The following SMC5 variants were observed in gnomAD, a reference collection of about 807,000 sequenced individuals.
SMC5 encodes structural maintenance of chromosomes protein 5.
SMC5 carries 88 observed loss-of-function variants against 148.3 expected under a neutral mutation model. The ratio of observed to expected loss-of-function variants is 0.59; its 90% CI spans 0.50 to 0.71. The LOEUF is 0.71. SMC5 is among the 30% of genes least tolerant of loss of function. SMC5 has a pLI of 0.00. For missense variants in SMC5, 1,142 were observed against 1,298.9 expected (o/e 0.88, Z 1.86); for synonymous variants, 421 against 432.8 (o/e 0.97, Z 0.34).
At chr9:70,346,962 C>T in intron 19 of SMC5, 104 bp from the exon 20 acceptor site, 6 of 827,780 alleles carry the variant, frequency 7.2e-6, no homozygotes, top group South Asian at 6.9e-5. Context: ...TGCCAGCATG[C>T]TGTTGAACAG....
chr9:70,350,392 A>G lies in SMC5; in HGVS notation c.3086A>G (p.Asn1029Ser). Residue 1029 changes from asparagine to serine, a missense_variant, in exon 24 of 25, where the codon AAT becomes AGT. Asn to Ser is a conservative substitution (Grantham distance 46). This residue lies in a region of SMC5 where 30 missense variants were observed against 65.3 expected (regional missense o/e 0.46). Coordinates refer to ENST00000361138, the MANE Select transcript of SMC5 (RefSeq NM_015110.4). Reference sequence around the variant, plus strand: ...ATTGTTTAGGGAATGGACCCAATCAATGAACGGAGAGTGTTTGAAATGGTT... The same window carrying G: ...ATTGTTTAGGGAATGGACCCAATCAGTGAACGGAGAGTGTTTGAAATGGTT... The part of the protein sequence containing the change: ...DEINQGMDPI[N>S]ERRVFEMVVN... 1 of 1,609,882 alleles carries G rather than the reference A, an allele frequency of 6.2e-7. No homozygotes were observed. The highest frequency in any genetic ancestry group is 8.5e-7 in the Non-Finnish European group (1 of 1,178,784).
intron 17 of SMC5, among the ~76,000 whole-genome samples, chr9:70,341,642 T>G (rs4610818): frequency 0.071 from 10,776 of 152,320 alleles, 578 homozygotes; most frequent in East Asian, 0.22. Flanking sequence ...TTAGTTTATT[T>G]GCTATCAAAC....
intron 11 of SMC5, among the ~76,000 whole-genome samples, chr9:70,314,447 C>T (rs2035742808): frequency 6.6e-6 from 1 of 152,010 alleles, no homozygotes; most frequent in Non-Finnish European, 1.5e-5. Flanking sequence ...AGATAATCTG[C>T]CAATAATGTA....
chr9:70,315,315 A>G (rs2035767172), intron 12 of SMC5, 131 bp from the exon 13 acceptor site: 3 of 534,320 alleles, frequency 5.6e-6, no homozygotes, highest in Non-Finnish European at 3.0e-6. Flanking sequence ...ATATAAAAGA[A>G]AAAAGACTTG....
At chr9:70,271,052 T>G (rs910271575) in intron 3 of SMC5, among the ~76,000 whole-genome samples, 3 of 150,676 alleles carry the variant, frequency 2.0e-5, no homozygotes, top group Non-Finnish European at 4.4e-5. Context: ...TGCATTATAC[T>G]TATCGGTTCA....
intron 10 of SMC5, among the ~76,000 whole-genome samples, chr9:70,303,902 C>G (rs2035428124): frequency 6.6e-6 from 1 of 152,104 alleles, no homozygotes; most frequent in Non-Finnish European, 1.5e-5. Flanking sequence ...CTAAAATTCC[C>G]TAGATAGTAC....
intron 12 of SMC5, among the ~76,000 whole-genome samples, chr9:70,315,073 GGTTA>G (rs2035759787): frequency 6.6e-6 from 1 of 151,850 alleles, no homozygotes; most frequent in African/African-American, 2.4e-5. Flanking sequence ...TAAAGTAGTG[GGTTA>G]GTTATTGGGA....
intron 11 of SMC5, among the ~76,000 whole-genome samples, chr9:70,308,858 T>C (rs910209695): frequency 2.0e-5 from 3 of 152,136 alleles, no homozygotes; most frequent in African/African-American, 7.2e-5. Flanking sequence ...ATTGACCTTA[T>C]ATCCTGTGAC....
At position 70,353,630 on chromosome 9, in the gene SMC5, G is replaced by A. The variant is rs1482818202; in HGVS notation, c.*1299G>A. On this transcript the variant is annotated 3_prime_UTR_variant, in exon 25 of 25. Coordinates refer to ENST00000361138, the MANE Select transcript of SMC5 (RefSeq NM_015110.4). ...CCATTGAAATTTATATTCTTAACTA[G>A]GTCAAAAAATAATGAGCCATAAGTT... 1 of 151,970 alleles carries A rather than the reference G, an allele frequency of 6.6e-6. No homozygotes were observed. The highest frequency in any genetic ancestry group is 2.4e-5 in the African/African-American group (1 of 41,380). 9.4% of individuals were successfully genotyped at this position (151,970 alleles called of 1,614,324 possible).
At chr9:70,323,450 A>C (rs2118647065) in intron 15 of SMC5, 33 bp from the exon 16 acceptor site, 4 of 1,559,574 alleles carry the variant, frequency 2.6e-6, no homozygotes, top group Non-Finnish European at 2.6e-6. Context: ...TATGTTTAAC[A>C]CTGATTTCTT....
intron 8 of SMC5, among the ~76,000 whole-genome samples, chr9:70,290,580 T>A (rs2035030443): frequency 6.6e-6 from 1 of 152,240 alleles, no homozygotes; most frequent in Non-Finnish European, 1.5e-5. Context: ...TTTAATTACC[T>A]TTGCGGGTTC....
intron 17 of SMC5, among the ~76,000 whole-genome samples, chr9:70,343,147 CT>C (rs11438728): frequency 2.6e-3 from 361 of 141,410 alleles, no homozygotes; most frequent in East Asian, 4.7e-3. Flanking sequence ...CTTTCAGTCT[CT>C]TTTTTTTTTT....
At chr9:70,318,008 GA>G (rs1283201778) in intron 13 of SMC5, among the ~76,000 whole-genome samples, 2 of 152,130 alleles carry the variant, frequency 1.3e-5, no homozygotes, top group African/African-American at 4.8e-5. Flanking sequence ...AACTACTTGG[GA>G]GAGTTGTATA....
At chr9:70,299,618 C>T (rs756858826) in intron 9 of SMC5, among the ~76,000 whole-genome samples, 14 of 152,050 alleles carry the variant, frequency 9.2e-5, no homozygotes, top group Non-Finnish European at 5.9e-5. Flanking sequence ...GAATTAACTT[C>T]AGAGTCTTTG....
At chr9:70,261,459 T>G (rs2034131445) in intron 1 of SMC5, among the ~76,000 whole-genome samples, 1 of 152,184 alleles carries the variant, frequency 6.6e-6, no homozygotes, top group African/African-American at 2.4e-5. Context: ...TTTTCCCAAG[T>G]GTAAGAGCCT....
At chr9:70,343,003 A>G (rs1740871649) in intron 17 of SMC5, among the ~76,000 whole-genome samples, 1 of 152,292 alleles carries the variant, frequency 6.6e-6, no homozygotes, top group African/African-American at 2.4e-5. Context: ...CCCTACATAC[A>G]TACTCTGTCC....
intron 8 of SMC5, among the ~76,000 whole-genome samples, chr9:70,288,783 A>C (rs1050009206): frequency 2.0e-4 from 30 of 152,304 alleles, no homozygotes; most frequent in African/African-American, 7.2e-4. Context: ...AGTTCTACTT[A>C]ACACTGCTTT....
chr9:70,328,932 T>G (rs2118695744), intron 17 of SMC5, among the ~76,000 whole-genome samples: 1 of 152,306 alleles, frequency 6.6e-6, no homozygotes, highest in African/African-American at 2.4e-5. Flanking sequence ...ACCAGCACCT[T>G]GTGGAAACTG....
At chr9:70,268,656 C>T (rs956644095) in intron 3 of SMC5, among the ~76,000 whole-genome samples, 26 of 149,278 alleles carry the variant, frequency 1.7e-4, no homozygotes, top group Admixed American at 8.7e-4. Flanking sequence ...CTTTAAAAAA[C>T]GCAAACAATG....
Sources: allele counts gnomAD v4.1 joint callset (sites outside exome capture counted in the v4.1 genomes callset), GRCh38; gene constraint gnomAD v4.1.1; regional missense constraint gnomAD v4.1.1; transcripts MANE v1.5; gene names NCBI Gene and HGNC (gene_info 2026-07-23, HGNC 2026-07-21).